DEPTOR: variants seen among roughly 807,000 people sequenced by gnomAD.
DEPTOR encodes the protein DEP domain-containing mTOR-interacting protein.
Under a neutral mutation model 41.6 loss-of-function variants are expected in DEPTOR, and 41 were observed. The observed-to-expected ratio is 0.98, with a 90% confidence interval of 0.77 to 1.28. DEPTOR has a LOEUF of 1.28. Among genes scored for constraint, DEPTOR ranks in the 50% most tolerant of loss-of-function variants. DEPTOR has a pLI of 0.00. For synonymous variants in DEPTOR, 195 were observed against 192.3 expected, an observed-to-expected ratio of 1.01 and a Z score of -0.12; for missense variants, 514 against 527.9, an observed-to-expected ratio of 0.97 and a Z score of 0.26.
At chr8:119,955,154 G>A (rs1037157384) in intron 3 of DEPTOR, among the ~76,000 whole-genome samples, 5 of 151,120 alleles carry the variant, frequency 3.3e-5, no homozygotes, top group Non-Finnish European at 5.9e-5. Flanking sequence ...CACTGCACCC[G>A]GCCTCTATGA....
At chr8:119,928,645 C>T in intron 2 of DEPTOR, 67 bp downstream of exon 2, 1 of 1,511,484 alleles carries the variant, frequency 6.6e-7, no homozygotes, top group Non-Finnish European at 8.9e-7. Flanking sequence ...CATGAACATA[C>T]CCACTTAAGA....
intron 4 of DEPTOR, among the ~76,000 whole-genome samples, chr8:119,988,961 T>TTC (rs1419175737): frequency 2.9e-5 from 4 of 138,314 alleles, no homozygotes; most frequent in Non-Finnish European, 6.2e-5. Flanking sequence ...TTTTTTTCTT[T>TTC]TTTTTTTTTT....
chr8:120,011,440 T>C (rs1563591692), intron 8 of DEPTOR, among the ~76,000 whole-genome samples: 1 of 152,160 alleles, frequency 6.6e-6, no homozygotes, highest in East Asian at 1.9e-4. Flanking sequence ...AAAGCAAGCA[T>C]TTGTGTCCAT....
intron 4 of DEPTOR, among the ~76,000 whole-genome samples, chr8:119,972,235 A>G (rs959353650): frequency 2.0e-5 from 3 of 152,172 alleles, no homozygotes; most frequent in Non-Finnish European, 4.4e-5. Flanking sequence ...AGCTCTTACT[A>G]TATCCCAGCC....
At chr8:119,965,670 G>C (rs1054219805) in intron 4 of DEPTOR, among the ~76,000 whole-genome samples, 1 of 152,166 alleles carries the variant, frequency 6.6e-6, no homozygotes, top group African/African-American at 2.4e-5. Flanking sequence ...AAAGAGGGCA[G>C]GCAGGTTCTT....
At chr8:119,894,947 G>A (rs1022811152) in intron 1 of DEPTOR, among the ~76,000 whole-genome samples, 1 of 152,142 alleles carries the variant, frequency 6.6e-6, no homozygotes, top group African/African-American at 2.4e-5. Flanking sequence ...TGTACCACAC[G>A]AGGCCATGTG....
chr8:119,924,881 C>T (rs751481689), intron 1 of DEPTOR, among the ~76,000 whole-genome samples: 104 of 152,126 alleles, frequency 6.8e-4, no homozygotes, highest in Non-Finnish European at 3.7e-4. Flanking sequence ...TGGGTCCTCA[C>T]CCTCCTCCCA....
intron 4 of DEPTOR, among the ~76,000 whole-genome samples, chr8:119,989,900 T>G (rs754671304): frequency 2.0e-5 from 3 of 152,202 alleles, no homozygotes; most frequent in Non-Finnish European, 4.4e-5. Context: ...GATCGGGCCT[T>G]TGGGTTTAAT....
Position 120,049,593 on chromosome 8 carries a change from CT to C in DEPTOR, c.1120del (p.Ser374LeufsTer10). 1 of 1,613,580 alleles carries C rather than the reference CT, an allele frequency of 6.2e-7. No individual in the cohort carries two copies. The highest frequency in any genetic ancestry group is 8.5e-7 in the Non-Finnish European group (1 of 1,179,680). On this transcript the variant is annotated frameshift_variant, in exon 9 of 9. Coordinates refer to ENST00000286234, the MANE Select transcript of DEPTOR (RefSeq NM_022783.4). LOFTEE classifies it high-confidence loss of function. ...TCCTTTAGGTCTGTCAGTTTGTCGTCTCTGTCAACGGGCTCAATGTCCTGCA... is the reference window on the plus strand; with the variant it reads ...TCCTTTAGGTCTGTCAGTTTGTCGTCCTGTCAACGGGCTCAATGTCCTGCA... ...AGMKVCQFVV[S>X]VNGLNVLHVD...
At chr8:120,046,283 A>G (rs1813151757) in intron 8 of DEPTOR, among the ~76,000 whole-genome samples, 1 of 152,146 alleles carries the variant, frequency 6.6e-6, no homozygotes, top group Non-Finnish European at 1.5e-5. Flanking sequence ...TCACTATTAC[A>G]ACAATTTTAG....
intron 3 of DEPTOR, among the ~76,000 whole-genome samples, chr8:119,938,971 C>CTCTCTCTCAA (rs1311766505): frequency 1.3e-5 from 2 of 151,102 alleles, no homozygotes; most frequent in African/African-American, 4.9e-5. Context: ...CTCTCTCTCT[C>CTCTCTCTCAA]TCTGTGTTTC....
At position 119,927,898 on chromosome 8, in the gene DEPTOR, C is replaced by T. The variant is rs1012634503; in HGVS notation, c.123-502C>T. 1.4e-4 allele frequency among the ~76,000 whole-genome samples: 21 copies of T among 152,020 alleles called. 1 individual carries two copies. Among genetic ancestry groups the T allele is most frequent in the African/African-American group, 4.8e-4 (20 of 41,392 alleles). Reference sequence around the variant, plus strand: ...CTGGGATTACAGATATGAGCCACCACACCCTGATGTATGTCTGTAGTGCCT... The same window carrying T: ...CTGGGATTACAGATATGAGCCACCATACCCTGATGTATGTCTGTAGTGCCT... On this transcript the variant is annotated intron_variant, in intron 1 of 8. Transcript: ENST00000286234.
At chr8:119,969,106 A>AG (rs1444163015) in intron 4 of DEPTOR, among the ~76,000 whole-genome samples, 24 of 151,952 alleles carry the variant, frequency 1.6e-4, no homozygotes, top group African/African-American at 4.6e-4. Flanking sequence ...AAAAAAAAAA[A>AG]GTCAGATGAT....
chr8:120,028,546 C>A (rs985723362), intron 8 of DEPTOR, among the ~76,000 whole-genome samples: 1 of 150,036 alleles, frequency 6.7e-6, no homozygotes, highest in Non-Finnish European at 1.5e-5. Context: ...GCAACCTCCC[C>A]CTTCCAGTGA....
chr8:120,023,278 T>C (rs1812750505), intron 8 of DEPTOR, among the ~76,000 whole-genome samples: 1 of 152,170 alleles, frequency 6.6e-6, no homozygotes, highest in Admixed American at 6.5e-5. Context: ...TCTCACTCTG[T>C]GGCCCAGGCT....
At position 119,996,318 on chromosome 8, in the gene DEPTOR, T is replaced by C. The variant is rs190128784; in HGVS notation, c.605-5207T>C. On this transcript the variant is annotated intron_variant, in intron 4 of 8. Transcript: ENST00000286234. ...TATCATCAATAGGTGATGATAACAG[T>C]AAAAAACAACAGTGGTTGTAAAATA... Among the ~76,000 whole-genome samples the C allele has an allele frequency of 6.4e-4, 98 of 152,302 alleles. 1 individual carries two copies. The highest frequency in any genetic ancestry group is 2.2e-3 in the African/African-American group (91 of 41,566).
In DEPTOR at chr8:120,009,125, G is replaced by A; in HGVS notation, c.1093G>A (p.Gly365Arg). ...VDPSGPAAAAGMKVCQFVVSV... is the reference protein window; with the variant it reads ...VDPSGPAAAARMKVCQFVVSV... ...CCCCAGTGGCCCTGCAGCCGCAGCA[G>A]GAATGAAGGTACTAACGGGTCTTTC... The change falls in exon 8 of 9, where the codon GGA (glycine) becomes AGA (arginine). Residue 365 changes from glycine (G) to arginine (R), a missense_variant. Physicochemically the swap from Gly to Arg is moderately radical, Grantham distance 125. Transcript: ENST00000286234. The A allele has an allele frequency of 6.2e-7, 1 of 1,613,792 alleles. No individual in the cohort carries two copies. Among genetic ancestry groups the A allele is most frequent in the Non-Finnish European group, 8.5e-7 (1 of 1,179,906 alleles).
rs751030429 is a variant in DEPTOR, at chr8:120,049,655, C to T, written c.1181C>T (p.Thr394Met). ...DYRTVSNLILTGPRTIVMEVM... is the reference protein window; with the variant it reads ...DYRTVSNLILMGPRTIVMEVM... ...CGGACCGTGAGCAATCTGATTCTGA[C>T]GGGCCCACGGACGATTGTCATGGAA... Residue 394 changes from threonine to methionine, a missense_variant, in exon 9 of 9, where the codon ACG becomes ATG. Physicochemically the swap from Thr to Met is moderately conservative, Grantham distance 81. Transcript: ENST00000286234. The T allele has an allele frequency of 2.1e-5, 34 of 1,613,774 alleles. No homozygotes were observed. The highest frequency in any genetic ancestry group is 1.8e-4 in the Admixed American group (11 of 59,954).
rs1325306086 is a variant in DEPTOR at position 120,009,077 on chromosome 8, C to G, written c.1045C>G (p.Pro349Ala). 2 of 1,613,928 alleles carry G rather than the reference C, an allele frequency of 1.2e-6. No individual in the cohort carries two copies. The highest frequency in any genetic ancestry group is 2.7e-5 in the African/African-American group (2 of 74,890). ...GWGFVVRGSK[P>A]CHIQAVDPSG... ...GGGTTTTGTGGTGCGAGGAAGTAAGCCATGCCACATCCAGGCTGTAGACCC... is the reference window on the plus strand; with the variant it reads ...GGGTTTTGTGGTGCGAGGAAGTAAGGCATGCCACATCCAGGCTGTAGACCC... The change falls in exon 8 of 9, where the codon CCA (proline) becomes GCA (alanine). Residue 349 changes from proline to alanine, a missense_variant. Physicochemically the swap from Pro to Ala is conservative, Grantham distance 27. Coordinates refer to ENST00000286234, the MANE Select transcript of DEPTOR (RefSeq NM_022783.4).
Sources: allele counts gnomAD v4.1 joint callset (sites outside exome capture counted in the v4.1 genomes callset), GRCh38; gene constraint gnomAD v4.1.1; transcripts MANE v1.5; gene names NCBI Gene and HGNC (gene_info 2026-07-23, HGNC 2026-07-21).